Variants in PHYHD1 observed in about 807,000 individuals in gnomAD.
PHYHD1 encodes phytanoyl-CoA dioxygenase domain containing 1.
In PHYHD1, 42 loss-of-function variants were observed where a neutral mutation model predicts 43.6. The observed-to-expected ratio is 0.96, with a 90% CI of 0.75 to 1.25. The LOEUF (loss-of-function observed/expected upper bound fraction) is 1.25, where lower values mean the gene tolerates loss of function less well. PHYHD1 is among the 50% of genes most tolerant of loss of function. PHYHD1 has a pLI of 0.00. For synonymous variants in PHYHD1, 139 were observed against 143.6 expected, an observed-to-expected ratio of 0.97 and a Z score of 0.23; for missense variants, 342 against 370.8, an observed-to-expected ratio of 0.92 and a Z score of 0.64.
At position 128,941,726 on chromosome 9, in the gene PHYHD1, G is replaced by T; in HGVS notation, c.*13G>T. On this transcript the variant is annotated 3_prime_UTR_variant, in exon 13 of 13. Transcript: ENST00000372592. ...ACTGTACACCTAAAGGCTCTCGCAG[G>T]GCAGGAGCCCTCGCCCCTCCCGGGT... 1 of 1,614,124 alleles carries T rather than the reference G, an allele frequency of 6.2e-7. No homozygotes were observed. The highest frequency in any genetic ancestry group is 2.2e-5 in the East Asian group (1 of 44,872).
intron 4 of PHYHD1, among the ~76,000 whole-genome samples, chr9:128,929,169 A>G (rs552631754): frequency 1.6e-4 from 24 of 152,202 alleles, no homozygotes; most frequent in African/African-American, 5.5e-4. Context: ...CTCTACAAAA[A>G]AATTTTTTTA....
At chr9:128,934,202 A>C in intron 6 of PHYHD1, 144 bp downstream of exon 6, 1 of 816,162 alleles carries the variant, frequency 1.2e-6, no homozygotes, top group Non-Finnish European at 1.9e-6. Flanking sequence ...AGTCTGGCCA[A>C]CATGGTGAAA....
intron 3 of PHYHD1, among the ~76,000 whole-genome samples, chr9:128,925,221 T>G (rs1016000536): frequency 2.0e-5 from 3 of 151,702 alleles, no homozygotes; most frequent in African/African-American, 7.3e-5. Context: ...TTTCTTTTCT[T>G]TTTCTTTCTT....
At chr9:128,923,843 C>T (rs1183886610) in intron 3 of PHYHD1, among the ~76,000 whole-genome samples, 3 of 152,140 alleles carry the variant, frequency 2.0e-5, no homozygotes, top group Non-Finnish European at 2.9e-5. Flanking sequence ...ACTGGCCAGG[C>T]GCGGTGGCTC....
chr9:128,922,337 G>A lies in PHYHD1; in HGVS notation c.14G>A (p.Ser5Asn), dbSNP rs770277256. Residue 5 changes from serine to asparagine, a missense_variant, in exon 3 of 13, where the codon AGC becomes AAC. Physicochemically the swap from Ser to Asn is conservative, Grantham distance 46. Transcript: ENST00000372592. ...CTGAGCGTCTCCATGGCCTGCCTGA[G>A]CCCCTCGCAGCTCCAGAAGGTAGGA... MACLSPSQLQKFQQD... is the reference protein window; with the variant it reads MACLNPSQLQKFQQD... 2 of 1,550,520 alleles carry A rather than the reference G, an allele frequency of 1.3e-6. No homozygotes were observed. Among genetic ancestry groups the A allele is most frequent in the South Asian group, 2.4e-5 (2 of 83,980 alleles).
chr9:128,923,838 C>A (rs1841064642), intron 3 of PHYHD1, among the ~76,000 whole-genome samples: 1 of 152,176 alleles, frequency 6.6e-6, no homozygotes, highest in South Asian at 2.1e-4. Flanking sequence ...ATAAAACTGG[C>A]CAGGCGCGGT....
chr9:128,941,934 C>T lies in PHYHD1; in HGVS notation c.*221C>T, dbSNP rs2131123008. ...CCCCAACATAGCCTTGAGGAGGCTTCTCAGCCACCAAAGGGTTCTGGCCCC... is the reference window on the plus strand; with the variant it reads ...CCCCAACATAGCCTTGAGGAGGCTTTTCAGCCACCAAAGGGTTCTGGCCCC... On this transcript the variant is annotated 3_prime_UTR_variant, in exon 13 of 13. Transcript: ENST00000372592. 1 of 613,146 alleles carries T rather than the reference C, an allele frequency of 1.6e-6. No individual in the cohort carries two copies. Among genetic ancestry groups the T allele is most frequent in the South Asian group, 2.0e-5 (1 of 49,824 alleles). The allele number at this position is 613,146 out of a possible 1,614,324, so 38.0% of individuals were successfully genotyped here.
At chr9:128,932,493 G>A (rs543250372) in intron 4 of PHYHD1, among the ~76,000 whole-genome samples, 1 of 151,908 alleles carries the variant, frequency 6.6e-6, no homozygotes, top group Non-Finnish European at 1.5e-5. Flanking sequence ...TCAGCCTCCC[G>A]AGTAACTGGG....
chr9:128,936,049 G>A (rs992937592), intron 6 of PHYHD1, among the ~76,000 whole-genome samples: 3 of 152,176 alleles, frequency 2.0e-5, no homozygotes, highest in Admixed American at 6.5e-5. Context: ...TCCCACACCA[G>A]TCCTGCCTCC....
chr9:128,934,080 C>T (rs752423734), intron 6 of PHYHD1, 22 bp downstream of exon 6: 14 of 1,610,352 alleles, frequency 8.7e-6, no homozygotes, highest in Non-Finnish European at 1.2e-5. Flanking sequence ...CTTGGGGGTA[C>T]AGGAAAGAAG....
At chr9:128,933,201 C>G (rs2131108415) in intron 4 of PHYHD1, among the ~76,000 whole-genome samples, 1 of 139,572 alleles carries the variant, frequency 7.2e-6, no homozygotes, top group South Asian at 2.3e-4. Context: ...GTCGCCCAGG[C>G]TGGAGTGCAT....
rs188432649 is a variant in PHYHD1, at chr9:128,935,972, T to C, written c.317-476T>C. Among the ~76,000 whole-genome samples the C allele has an allele frequency of 7.9e-5, 12 of 152,314 alleles. No individual in the cohort carries two copies. In the East Asian group the frequency reaches 2.3e-3, roughly 29 times the overall value. ...TATTAAATGCATTCAATCTTATGTT[T>C]ATGACAATGAGGGACTATCCCATGC... On this transcript the variant is annotated intron_variant, in intron 6 of 12. Coordinates refer to ENST00000372592, the MANE Select transcript of PHYHD1 (RefSeq NM_001100876.2).
rs757669596 is a variant in PHYHD1, at chr9:128,933,783, G to A, written c.194G>A (p.Gly65Asp). 1.9e-6 allele frequency: 3 copies of A among 1,614,070 alleles called. No homozygotes were observed. In the South Asian group the frequency reaches 3.3e-5, roughly 18 times the overall value. ...TCCTCTGATGTCCCCTTTCCACAGG[G>A]CAGCACAGACTATTTCTTGAGCAGT... ...TQEEEQLRAQGSTDYFLSSGD... is the reference protein window; with the variant it reads ...TQEEEQLRAQDSTDYFLSSGD... The change falls in exon 5 of 13, where the codon GGC becomes GAC. Residue 65 changes from glycine (G) to aspartate (D), a missense_variant and splice_region_variant. Coordinates refer to ENST00000372592, the MANE Select transcript of PHYHD1 (RefSeq NM_001100876.2).
At chr9:128,930,589 G>A (rs1230543719) in intron 4 of PHYHD1, among the ~76,000 whole-genome samples, 3 of 150,138 alleles carry the variant, frequency 2.0e-5, no homozygotes, top group Non-Finnish European at 3.0e-5. Flanking sequence ...CCAAGATCGC[G>A]CTAATGCACT....
Position 128,927,098 on chromosome 9 carries a change from A to G in PHYHD1, c.94A>G (p.Met32Val), listed in dbSNP as rs553869679. The change falls in exon 4 of 13, where the codon ATG becomes GTG. Residue 32 changes from methionine to valine, a missense_variant. Physicochemically the swap from Met to Val is conservative, Grantham distance 21. Transcript: ENST00000372592. ...CTTGTCTGCGGAAGAGTGTGTGGCCATGCAACAAAGGATTGGCGAGATAGT... is the reference window on the plus strand; with the variant it reads ...CTTGTCTGCGGAAGAGTGTGTGGCCGTGCAACAAAGGATTGGCGAGATAGT... ...GFLSAEECVA[M>V]QQRIGEIVAE... 9.9e-6 allele frequency: 16 copies of G among 1,614,160 alleles called. No homozygotes were observed. The highest frequency in any genetic ancestry group is 6.7e-5 in the East Asian group (3 of 44,884).
chr9:128,939,834 T>C (rs1234214698), intron 9 of PHYHD1, among the ~76,000 whole-genome samples: 1 of 133,088 alleles, frequency 7.5e-6, no homozygotes, highest in Non-Finnish European at 1.7e-5. Context: ...TTTGTGTTTT[T>C]AGTAGAGACA....
rs2131089421 is a variant in PHYHD1 at position 128,921,119 on chromosome 9, G to GT, written c.-703dup. 1 of 151,962 alleles carries GT rather than the reference G, an allele frequency of 6.6e-6. No individual in the cohort carries two copies. The highest frequency in any genetic ancestry group is 1.5e-5 in the Non-Finnish European group (1 of 68,064). The allele number at this position is 151,962 out of a possible 1,614,324, so 9.4% of individuals were successfully genotyped here. ...ATTCTCTCTTTTTGTTTTTGTTTTT[G>GT]TTTTTTGAGATGGAGTCTTACTCTG... On this transcript the variant is annotated 5_prime_UTR_variant, in exon 1 of 13. Transcript: ENST00000372592.
At chr9:128,933,154 T>G (rs1296195282) in intron 4 of PHYHD1, among the ~76,000 whole-genome samples, 3 of 143,012 alleles carry the variant, frequency 2.1e-5, no homozygotes, top group Non-Finnish European at 4.6e-5. Flanking sequence ...CCCAGACTTT[T>G]TTTTTTTTTT....
chr9:128,936,165 G>T (rs1477405063), intron 6 of PHYHD1, among the ~76,000 whole-genome samples: 1 of 151,836 alleles, frequency 6.6e-6, no homozygotes, highest in African/African-American at 2.4e-5. Flanking sequence ...AGATTGCTCC[G>T]CATGATTGGT....
Sources: allele counts gnomAD v4.1 joint callset (sites outside exome capture counted in the v4.1 genomes callset), GRCh38; gene constraint gnomAD v4.1.1; transcripts MANE v1.5; gene names NCBI Gene and HGNC (gene_info 2026-07-23, HGNC 2026-07-21).